Variants in NFASC observed in about 807,000 individuals in gnomAD.
The protein encoded by NFASC is neurofascin homolog.
Under a neutral mutation model 147.5 loss-of-function variants are expected in NFASC, and 43 were observed. The ratio of observed to expected loss-of-function variants is 0.29; its 90% confidence interval spans 0.23 to 0.38. The LOEUF is 0.38. Among genes scored for constraint, NFASC ranks in the 10% least tolerant of loss-of-function variants. The pLI, the probability that NFASC is intolerant of heterozygous loss-of-function variation, is 1.00. For missense variants in NFASC, 1,320 were observed against 1,689.0 expected, an observed-to-expected ratio of 0.78 and a Z score of 3.83; for synonymous variants, 622 against 665.5, an observed-to-expected ratio of 0.93 and a Z score of 1.01.
At chr1:204,896,786 T>C (rs764325905) in intron 1 of NFASC, among the ~76,000 whole-genome samples, 4 of 152,234 alleles carry the variant, frequency 2.6e-5, no homozygotes, top group Non-Finnish European at 5.9e-5. Flanking sequence ...CGATGCCATT[T>C]ATTGAATTCC....
At chr1:204,950,412 A>T in intron 3 of NFASC, 145 bp from the exon 4 acceptor site, 1 of 739,828 alleles carries the variant, frequency 1.4e-6, no homozygotes, top group Non-Finnish European at 2.4e-6. Context: ...TGCAGCCAGG[A>T]GGAGAGAGCC....
rs1303473163 is a variant in NFASC at position 204,954,684 on chromosome 1, C to T, written c.413-145C>T. 2 of 990,112 alleles carry T rather than the reference C, an allele frequency of 2.0e-6. No homozygotes were observed. 61.3% of individuals were successfully genotyped at this position (990,112 alleles called of 1,614,324 possible). A position where few individuals can be genotyped will look rare whatever the true frequency, so the allele number is the denominator to read the frequency against. ...TCAAGGGCGGCCCCTTGAGTAGGCT[C>T]ACGTGCCCCGTCCCTCTCTCTTGCT... is the stretch of plus-strand genomic sequence containing the variant. On this transcript the variant is annotated intron_variant, in intron 6 of 29. Transcript: ENST00000339876. The surrounding 1 kb of genome is among the most constrained non-coding windows in gnomAD (Gnocchi z 5.7).
intron 2 of NFASC, among the ~76,000 whole-genome samples, chr1:204,925,475 G>A (rs1432629055): frequency 6.6e-6 from 1 of 152,130 alleles, no homozygotes; most frequent in Admixed American, 6.5e-5. Flanking sequence ...TGGTCTGCAT[G>A]GCTTCCCAGC....
chr1:204,840,649 C>T (rs986701662), intron 1 of NFASC, among the ~76,000 whole-genome samples: 7 of 152,316 alleles, frequency 4.6e-5, no homozygotes, highest in African/African-American at 1.4e-4. Context: ...CTGCCCTGGC[C>T]ACCACTCCTG....
Position 204,979,667 on chromosome 1 carries a change from A to C in NFASC, c.2176+108A>C. On this transcript the variant is annotated intron_variant, in intron 19 of 29. Coordinates refer to ENST00000339876, the MANE Select transcript of NFASC (RefSeq NM_001005388.3). The surrounding 1 kb of genome is among the most constrained non-coding windows in gnomAD (Gnocchi z 6.0). ...TGAACTTAGGTTACTTAACTTCTCC[A>C]AGGCCCGGCCTCATCTGTGAGGCAG... The C allele has an allele frequency of 5.0e-6, 5 of 997,708 alleles. No individual in the cohort carries two copies. Among genetic ancestry groups the C allele is most frequent in the Non-Finnish European group, 8.0e-6 (5 of 628,040 alleles). The allele number at this position is 997,708 out of a possible 1,614,324, so 61.8% of individuals were successfully genotyped here.
intron 2 of NFASC, among the ~76,000 whole-genome samples, chr1:204,941,714 G>A (rs999097888): frequency 3.3e-5 from 5 of 152,220 alleles, no homozygotes; most frequent in Admixed American, 6.5e-5. Context: ...AGAGAGTTGG[G>A]AAGGTGAACC....
At chr1:204,849,166 C>T (rs575090010) in intron 1 of NFASC, among the ~76,000 whole-genome samples, 89 of 152,318 alleles carry the variant, frequency 5.8e-4, no homozygotes, top group African/African-American at 2.0e-3. Context: ...TGACCCCATT[C>T]GTGGACTTAG....
intron 1 of NFASC, among the ~76,000 whole-genome samples, chr1:204,880,069 G>A (rs887308487): frequency 3.9e-5 from 6 of 152,142 alleles, no homozygotes; most frequent in African/African-American, 1.4e-4. Flanking sequence ...CATTGACTCA[G>A]CTAGTTATCT....
chr1:204,997,283 G>A lies in NFASC; in HGVS notation c.2896G>A (p.Val966Ile), dbSNP rs1438811373. ...CACAACAGTCCCCATCATCCCAACTGTCGCACCTACCACCATCGCCACCAC... is the reference window on the plus strand; with the variant it reads ...CACAACAGTCCCCATCATCCCAACTATCGCACCTACCACCATCGCCACCAC... ...EATTVPIIPT[V>I]APTTIATTTT... Residue 966 changes from valine to isoleucine, a missense_variant, in exon 25 of 30, where the codon GTC becomes ATC. Val to Ile is a conservative substitution (Grantham distance 29, BLOSUM62 3). Around this residue, in one of 3 missense-constraint regions of NFASC, gnomAD observed 172 missense variants for 165.8 expected, o/e 1.04. Transcript: ENST00000339876. The A allele has an allele frequency of 2.5e-6, 4 of 1,611,088 alleles. No individual in the cohort carries two copies. Among genetic ancestry groups the A allele is most frequent in the Non-Finnish European group, 3.4e-6 (4 of 1,178,632 alleles).
intron 3 of NFASC, chr1:204,948,691 C>G (rs1200954415): frequency 1.9e-6 from 1 of 519,050 alleles, no homozygotes; most frequent in East Asian, 5.4e-5. Context: ...AGACTTCTTC[C>G]TTGGATCTGG....
At position 204,954,230 on chromosome 1, in the gene NFASC, G is replaced by A. The variant is rs2094306551; in HGVS notation, c.258G>A (p.Lys86=). 1 of 1,614,072 alleles carries A rather than the reference G, an allele frequency of 6.2e-7. No individual in the cohort carries two copies. The highest frequency in any genetic ancestry group is 8.5e-7 in the Non-Finnish European group (1 of 1,180,044). ...TRNSRFFNIA[K]DPRVSMRRRS... is the part of the protein sequence containing the mutation. ...ACAGCAGATTCTTCAACATCGCCAA[G>A]GACCCCCGGGTGTCCATGAGGAGGA... The change falls in exon 6 of 30, where the codon AAG becomes AAA. Residue 86 remains lysine, a synonymous_variant. Coordinates refer to ENST00000339876, the MANE Select transcript of NFASC (RefSeq NM_001005388.3). This position sits in a 1 kb window ranked among gnomAD's most constrained non-coding sequence, Gnocchi z 5.7.
chr1:204,952,448 T>G (rs149358106), intron 5 of NFASC, among the ~76,000 whole-genome samples: 1 of 147,616 alleles, frequency 6.8e-6, no homozygotes, highest in Non-Finnish European at 1.5e-5. Context: ...CCAAGCCAAC[T>G]TGAGTCTTTC....
At position 204,979,513 on chromosome 1, in the gene NFASC, C is replaced by T; in HGVS notation, c.2130C>T (p.Ser710=). 1 of 1,613,752 alleles carries T rather than the reference C, an allele frequency of 6.2e-7. No homozygotes were observed. Among genetic ancestry groups the T allele is most frequent in the African/African-American group, 1.3e-5 (1 of 75,038 alleles). The change falls in exon 19 of 30, where the codon AGC becomes AGT. Residue 710 remains serine (S), a synonymous_variant. Coordinates refer to ENST00000339876, the MANE Select transcript of NFASC (RefSeq NM_001005388.3). The surrounding 1 kb of genome is among the most constrained non-coding windows in gnomAD (Gnocchi z 6.0). The stretch of plus-strand genomic sequence containing the variant: ...TCATTGCCATCAACGAGGTTGGGAG[C>T]AGCCACCCCAGCCTCCCATCCGAGC... ...FRVIAINEVG[S]SHPSLPSERY... is the part of the protein sequence containing the mutation.
intron 25 of NFASC, chr1:204,998,044 C>T (rs1179107494): frequency 6.5e-6 from 1 of 153,588 alleles, no homozygotes; most frequent in Non-Finnish European, 1.4e-5. Flanking sequence ...AACTCACATT[C>T]CCCAAGCCCT....
At chr1:204,945,683 A>G (rs1388994936) in intron 3 of NFASC, among the ~76,000 whole-genome samples, 3 of 146,968 alleles carry the variant, frequency 2.0e-5, no homozygotes, top group African/African-American at 7.4e-5. Flanking sequence ...ACACGTGTGC[A>G]TGTGCACAGG....
chr1:204,949,603 A>G (rs2093980955), intron 3 of NFASC, among the ~76,000 whole-genome samples: 2 of 152,352 alleles, frequency 1.3e-5, no homozygotes, highest in South Asian at 4.1e-4. Context: ...TGTCCCCACA[A>G]AAAGCACACC....
In NFASC at chr1:204,939,029, TATGG is replaced by T. The variant is rs571799142; in HGVS notation, c.-90-5189_-90-5186del. ...GTAGTTCTATTCTCTTTTCTTCCTG[TATGG>T]ATGGATGTGTGTGTGTGTGTGTGTG... On this transcript the variant is annotated intron_variant, in intron 2 of 29. Transcript: ENST00000339876. Among the ~76,000 whole-genome samples the T allele has an allele frequency of 2.3e-4, 32 of 138,682 alleles. 1 individual carries two copies. Among genetic ancestry groups the T allele is most frequent in the Middle Eastern group, 3.7e-3 (1 of 270 alleles). 91.0% of individuals were successfully genotyped at this position (138,682 alleles called of 152,430 possible).
rs550953093 is a variant in NFASC at position 204,967,048 on chromosome 1, C to A, written c.707-1201C>A. On this transcript the variant is annotated intron_variant, in intron 8 of 29. Coordinates refer to ENST00000339876, the MANE Select transcript of NFASC (RefSeq NM_001005388.3). ...CCTCACGCTACCAGCACCGATTAAA[C>A]CCTGGATAAGTGTCTTCATCCTCAC... Among the ~76,000 whole-genome samples, 4 of 152,278 alleles carry A rather than the reference C, an allele frequency of 2.6e-5. No individual in the cohort carries two copies. The South Asian group carries it at 8.3e-4, about 32-fold the overall frequency.
intron 3 of NFASC, chr1:204,946,793 G>A (rs1392224312): frequency 5.9e-6 from 3 of 510,888 alleles, no homozygotes; most frequent in South Asian, 1.4e-5. Flanking sequence ...CACCATCCCT[G>A]GGCTGCCAGC....
Sources: allele counts gnomAD v4.1 joint callset (sites outside exome capture counted in the v4.1 genomes callset), GRCh38; gene constraint gnomAD v4.1.1; regional missense constraint gnomAD v4.1.1; non-coding constraint Gnocchi (gnomAD v3.1); transcripts MANE v1.5; gene names NCBI Gene and HGNC (gene_info 2026-07-23, HGNC 2026-07-21).